Variants in SEC24B observed in about 807,000 individuals in gnomAD.
SEC24B encodes the protein protein transport protein Sec24B.
In SEC24B, 45 loss-of-function variants were observed where a neutral mutation model predicts 142.8. That is an observed-to-expected ratio of 0.32 (90% confidence interval 0.25 to 0.40). The LOEUF is 0.40. Among genes scored for constraint, SEC24B ranks in the 10% least tolerant of loss-of-function variants. SEC24B has a pLI of 1.00. For synonymous variants in SEC24B, 574 were observed against 568.2 expected, an observed-to-expected ratio of 1.01 and a Z score of -0.15; for missense variants, 1,409 against 1,526.8, an observed-to-expected ratio of 0.92 and a Z score of 1.29.
chr4:109,508,510 C>T (rs1186800564), intron 7 of SEC24B, among the ~76,000 whole-genome samples: 5 of 151,772 alleles, frequency 3.3e-5, no homozygotes, highest in African/African-American at 4.8e-5. Context: ...GAAGTTGTGG[C>T]GATCCAAGAT....
intron 4 of SEC24B, among the ~76,000 whole-genome samples, chr4:109,487,114 G>A (rs1014417322): frequency 6.8e-6 from 1 of 147,982 alleles, no homozygotes; most frequent in Non-Finnish European, 1.5e-5. Flanking sequence ...GCAGTGAGCT[G>A]AGATCACGCC....
intron 3 of SEC24B, among the ~76,000 whole-genome samples, chr4:109,478,609 G>A (rs115179339): frequency 3.2e-3 from 493 of 152,270 alleles, no homozygotes; most frequent in African/African-American, 0.011. Flanking sequence ...CAGTAGTTAA[G>A]TGATAGAACC....
chr4:109,523,663 A>C (rs902979770), intron 14 of SEC24B, among the ~76,000 whole-genome samples: 1 of 152,132 alleles, frequency 6.6e-6, no homozygotes, highest in African/African-American at 2.4e-5. Flanking sequence ...TATCATTATA[A>C]GTAGTTATGA....
At chr4:109,437,170 G>A (rs1478926611) in intron 1 of SEC24B, among the ~76,000 whole-genome samples, 1 of 152,184 alleles carries the variant, frequency 6.6e-6, no homozygotes, top group Non-Finnish European at 1.5e-5. Context: ...GAATTGAATT[G>A]AGTTGGAGGA....
intron 3 of SEC24B, among the ~76,000 whole-genome samples, chr4:109,474,233 T>C (rs1732838080): frequency 6.6e-6 from 1 of 152,204 alleles, no homozygotes; most frequent in Non-Finnish European, 1.5e-5. Context: ...AGTATTTGCC[T>C]TCAAAGTGAA....
At chr4:109,511,861 T>C in intron 8 of SEC24B, 96 bp from the exon 9 acceptor site, 1 of 1,235,172 alleles carries the variant, frequency 8.1e-7, no homozygotes, top group East Asian at 2.4e-5. Context: ...TAAAAACAAT[T>C]AAGGTTTATG....
Position 109,526,351 on chromosome 4 carries a change from A to T in SEC24B, c.2917A>T (p.Thr973Ser), listed in dbSNP as rs747808502. Reference protein sequence around the residue: ...QLSIEESLTDTSLVCFQTALL... With the variant: ...QLSIEESLTDSSLVCFQTALL... ...GTCAATTGAAGAAAGTTTAACAGAT[A>T]CTTCCTTAGTATGTTTTCAAACAGC... Residue 973 changes from threonine to serine, a missense_variant, in exon 17 of 24, where the codon ACT becomes TCT. By Grantham distance (58) the Thr-to-Ser change is moderately conservative. Coordinates refer to ENST00000265175, the MANE Select transcript of SEC24B (RefSeq NM_006323.5). 2 of 1,613,894 alleles carry T rather than the reference A, an allele frequency of 1.2e-6. No individual in the cohort carries two copies. Among genetic ancestry groups the T allele is most frequent in the Admixed American group, 3.3e-5 (2 of 59,996 alleles).
At chr4:109,497,460 A>G (rs183786798) in intron 6 of SEC24B, among the ~76,000 whole-genome samples, 3 of 152,328 alleles carry the variant, frequency 2.0e-5, no homozygotes, top group Non-Finnish European at 2.9e-5. Context: ...AAGATATACT[A>G]AAAAGTAACC....
At chr4:109,516,739 TG>T in intron 11 of SEC24B, 99 bp downstream of exon 11, 1 of 616,366 alleles carries the variant, frequency 1.6e-6, no homozygotes, top group East Asian at 3.0e-5. Context: ...TGGGTTTGGT[TG>T]TATTTATCAA....
At chr4:109,501,931 A>G (rs1736196918) in intron 6 of SEC24B, among the ~76,000 whole-genome samples, 1 of 152,238 alleles carries the variant, frequency 6.6e-6, no homozygotes, top group Non-Finnish European at 1.5e-5. Context: ...CAGGATTAAT[A>G]AGACAATAAA....
intron 21 of SEC24B, 61 bp downstream of exon 21, chr4:109,532,804 C>T: frequency 1.2e-6 from 1 of 817,320 alleles, no homozygotes; most frequent in Non-Finnish European, 2.1e-6. Context: ...CAAAGAAACA[C>T]TTATAGGGTC....
intron 22 of SEC24B, among the ~76,000 whole-genome samples, chr4:109,537,584 G>C (rs998106766): frequency 2.0e-5 from 3 of 152,186 alleles, no homozygotes; most frequent in Non-Finnish European, 2.9e-5. Context: ...CAAAGCTGTA[G>C]TGTACTATGA....
chr4:109,474,061 A>G (rs1732813661), intron 3 of SEC24B, among the ~76,000 whole-genome samples: 1 of 152,204 alleles, frequency 6.6e-6, no homozygotes. Context: ...GTATCTGTTG[A>G]GTGTCTATGT....
intron 4 of SEC24B, among the ~76,000 whole-genome samples, chr4:109,486,506 T>C (rs140893611): frequency 1.2e-4 from 18 of 152,352 alleles, no homozygotes; most frequent in African/African-American, 4.3e-4. Flanking sequence ...TCGTTACTTC[T>C]TTAGATTTCA....
intron 18 of SEC24B, among the ~76,000 whole-genome samples, chr4:109,527,902 ACTTTCAAAAT>A (rs1041152684): frequency 1.9e-4 from 29 of 152,298 alleles, no homozygotes; most frequent in Admixed American, 9.2e-4. Context: ...CCTTAATCTT[ACTTTCAAAAT>A]CTTTGAGGGA....
intron 11 of SEC24B, among the ~76,000 whole-genome samples, chr4:109,518,479 C>G (rs542179268): frequency 6.6e-6 from 1 of 152,268 alleles, no homozygotes; most frequent in East Asian, 1.9e-4. Context: ...AAAAGGTTCT[C>G]CTCTATCTTT....
At chr4:109,527,478 A>T in intron 18 of SEC24B, 46 bp downstream of exon 18, 1 of 1,420,572 alleles carries the variant, frequency 7.0e-7, no homozygotes, top group Non-Finnish European at 9.9e-7. Flanking sequence ...TTTCTATCTT[A>T]AAAACTGAAG....
At chr4:109,538,463 A>G (rs1725800626) in intron 22 of SEC24B, 30 bp from the exon 23 acceptor site, 1 of 1,481,820 alleles carries the variant, frequency 6.7e-7, no homozygotes, top group Non-Finnish European at 9.4e-7. Flanking sequence ...ATGAGAAAGG[A>G]AAGTTTCCTA....
intron 22 of SEC24B, among the ~76,000 whole-genome samples, chr4:109,537,423 G>A (rs1725680696): frequency 6.6e-6 from 1 of 152,130 alleles, no homozygotes; most frequent in South Asian, 2.1e-4. Context: ...CATAGAAGTA[G>A]GCATATATAC....
Sources: gnomAD v4.1 joint callset for allele counts (sites outside exome capture counted in the v4.1 genomes callset) on GRCh38, gnomAD v4.1.1 for gene constraint, MANE v1.5 for transcripts, NCBI Gene and HGNC (gene_info 2026-07-23, HGNC 2026-07-21) for gene names.